The following SLC17A9 variants were observed in gnomAD, a reference collection of about 807,000 sequenced individuals.
The protein encoded by SLC17A9 is voltage-gated purine nucleotide uniporter SLC17A9.
A neutral mutation model predicts 55.0 loss-of-function variants in SLC17A9; 49 were observed. The observed-to-expected ratio is 0.89, with a 90% CI of 0.71 to 1.13. The LOEUF (loss-of-function observed/expected upper bound fraction) is 1.13, where lower values mean the gene tolerates loss of function less well. Ranked by LOEUF, SLC17A9 falls within the 50% of genes most tolerant of loss-of-function variation. SLC17A9 has a pLI of 0.00. For synonymous variants in SLC17A9, 256 were observed against 247.4 expected, an observed-to-expected ratio of 1.03 and a Z score of -0.32; for missense variants, 526 against 569.3, an observed-to-expected ratio of 0.92 and a Z score of 0.77.
At chr20:62,963,855 G>C (rs115522622) in intron 7 of SLC17A9, 175 bp downstream of exon 7, 1 of 641,252 alleles carries the variant, frequency 1.6e-6, no homozygotes, top group Admixed American at 2.9e-5. Flanking sequence ...CCATGCTCGG[G>C]GCAGGTTTCT....
In SLC17A9 at chr20:62,963,663, A is replaced by G. The variant is rs757729036; in HGVS notation, c.805A>G (p.Thr269Ala). 1.3e-6 allele frequency: 2 copies of G among 1,597,738 alleles called. No individual in the cohort carries two copies. Among genetic ancestry groups the G allele is most frequent in the Admixed American group, 1.7e-5 (1 of 57,708 alleles). ...LSWLPTFFEE[T>A]FPDAKGWIFN... Reference sequence around the variant, plus strand: ...CTGGCTGCCCACCTTCTTCGAGGAGACCTTCCCCGACGCCAAGGTGAGTCG... The same window carrying G: ...CTGGCTGCCCACCTTCTTCGAGGAGGCCTTCCCCGACGCCAAGGTGAGTCG... Residue 269 changes from threonine to alanine, a missense_variant, in exon 7 of 13, where the codon ACC becomes GCC. Thr to Ala is a moderately conservative substitution (Grantham distance 58). Coordinates refer to ENST00000370351, the MANE Select transcript of SLC17A9 (RefSeq NM_022082.4).
At chr20:62,957,729 C>T (rs1277858276) in intron 3 of SLC17A9, 149 bp downstream of exon 3, 1 of 618,174 alleles carries the variant, frequency 1.6e-6, no homozygotes, top group Non-Finnish European at 2.5e-6. Flanking sequence ...CATGCGTGCA[C>T]CTGTGTGTGT....
Position 62,962,770 on chromosome 20 carries a change from C to T in SLC17A9, c.628+16C>T, listed in dbSNP as rs749389216. Reference sequence around the variant, plus strand: ...AGTGAAAAAGGTAACGCAGGCCGGGCGGGCTAGTCCCGGGCGCCCACAGCT... The same window carrying T: ...AGTGAAAAAGGTAACGCAGGCCGGGTGGGCTAGTCCCGGGCGCCCACAGCT... On this transcript the variant is annotated intron_variant, in intron 5 of 12. Transcript: ENST00000370351. The surrounding 1 kb of genome is among the most constrained non-coding windows in gnomAD (Gnocchi z 5.5). 3.0e-5 allele frequency: 48 copies of T among 1,612,284 alleles called. No individual in the cohort carries two copies. Among genetic ancestry groups the T allele is most frequent in the South Asian group, 5.5e-5 (5 of 90,986 alleles).
At chr20:62,960,971 C>A (rs544188858) in intron 4 of SLC17A9, among the ~76,000 whole-genome samples, 1 of 152,226 alleles carries the variant, frequency 6.6e-6, no homozygotes, top group African/African-American at 2.4e-5. Context: ...AGTCTGTGAG[C>A]GCAGGAGCGT....
Position 62,960,590 on chromosome 20 carries a change from G to A in SLC17A9, c.484G>A (p.Gly162Ser), listed in dbSNP as rs1257880743. ...RAFTYSIVGA[G>S]SQFGTLLTGA... The stretch of plus-strand genomic sequence containing the variant: ...CTTCACCTACAGCATCGTGGGCGCC[G>A]GCTCCCAGTTTGGGTAAGTCCTGGC... Residue 162 changes from glycine to serine, a missense_variant, in exon 4 of 13, where the codon GGC (glycine) becomes AGC (serine). Physicochemically the swap from Gly to Ser is moderately conservative, Grantham distance 56 (BLOSUM62 0). Transcript: ENST00000370351. The A allele has an allele frequency of 1.9e-6, 3 of 1,612,088 alleles. No homozygotes were observed. Among genetic ancestry groups the A allele is most frequent in the African/African-American group, 2.7e-5 (2 of 74,956 alleles).
intron 4 of SLC17A9, among the ~76,000 whole-genome samples, chr20:62,961,384 T>A (rs2065587167): frequency 6.6e-6 from 1 of 152,050 alleles, no homozygotes; most frequent in Non-Finnish European, 1.5e-5. Flanking sequence ...GGGCGGCTTG[T>A]CCTCATCCAC....
chr20:62,956,938 T>C lies in SLC17A9; in HGVS notation c.233T>C (p.Val78Ala), dbSNP rs2065541952. The change falls in exon 2 of 13, where the codon GTT becomes GCT. Residue 78 changes from valine to alanine, a missense_variant. Val to Ala is a moderately conservative substitution (Grantham distance 64, BLOSUM62 0). Transcript: ENST00000370351. The stretch of plus-strand genomic sequence containing the variant: ...TTCTGGGGCTACTGCCTGACACAGG[T>C]TGTGGGCGGCCACCTCGGGGATCGG... ...SFFWGYCLTQ[V>A]VGGHLGDRIG... 1 of 1,613,392 alleles carries C rather than the reference T, an allele frequency of 6.2e-7. No homozygotes were observed. The highest frequency in any genetic ancestry group is 1.3e-5 in the African/African-American group (1 of 75,032).
At chr20:62,964,973 T>G in intron 8 of SLC17A9, 159 bp from the exon 9 acceptor site, 1 of 766,738 alleles carries the variant, frequency 1.3e-6, no homozygotes. Flanking sequence ...CCCACATGCG[T>G]GTGTGCACAC....
chr20:62,957,707 C>T (rs1054730800), intron 3 of SLC17A9, 127 bp downstream of exon 3: 39 of 807,404 alleles, frequency 4.8e-5, no homozygotes, highest in South Asian at 1.6e-4. Flanking sequence ...TGTGTATGGG[C>T]ATGCCCGCGT....
rs1601101978 is a variant in SLC17A9 at position 62,967,617 on chromosome 20, A to C, written c.*117A>C. ...GACACACGAGCAGAGAGGAACACAA[A>C]CCACTGTGGAGCCTGAAGCTCCTTA... On this transcript the variant is annotated 3_prime_UTR_variant, in exon 13 of 13. Transcript: ENST00000370351. 3 of 812,978 alleles carry C rather than the reference A, an allele frequency of 3.7e-6. No individual in the cohort carries two copies. Among genetic ancestry groups the C allele is most frequent in the South Asian group, 1.9e-5 (1 of 51,792 alleles). 50.4% of individuals were successfully genotyped at this position (812,978 alleles called of 1,614,324 possible).
intron 1 of SLC17A9, among the ~76,000 whole-genome samples, chr20:62,955,542 G>A (rs2065530132): frequency 6.6e-6 from 1 of 152,082 alleles, no homozygotes; most frequent in Non-Finnish European, 1.5e-5. Context: ...GAACTCTTGG[G>A]CTCAAGTGAT....
intron 3 of SLC17A9, among the ~76,000 whole-genome samples, chr20:62,959,757 C>T (rs1298676542): frequency 6.6e-6 from 1 of 152,256 alleles, no homozygotes; most frequent in Non-Finnish European, 1.5e-5. Context: ...GTCTGTTTGA[C>T]GATGCCCCCC....
chr20:62,960,659 G>T (rs1363304961), intron 4 of SLC17A9, 56 bp downstream of exon 4: 3 of 1,524,324 alleles, frequency 2.0e-6, no homozygotes, highest in Non-Finnish European at 2.7e-6. Flanking sequence ...GCCCCTTGCC[G>T]AGTGGCCCCT....
At position 62,967,525 on chromosome 20, in the gene SLC17A9, G is replaced by A. The variant is rs2065651744; in HGVS notation, c.*25G>A. On this transcript the variant is annotated 3_prime_UTR_variant, in exon 13 of 13. Coordinates refer to ENST00000370351, the MANE Select transcript of SLC17A9 (RefSeq NM_022082.4). The stretch of plus-strand genomic sequence containing the variant: ...GCTCCCAACCCCACAGCCTCTCCAA[G>A]GACCCAGGCGCCAGCAGCCCCAGGA... The A allele has an allele frequency of 1.9e-6, 3 of 1,605,786 alleles. No individual in the cohort carries two copies. The highest frequency in any genetic ancestry group is 2.6e-6 in the Non-Finnish European group (3 of 1,175,068).
Position 62,969,277 on chromosome 20 carries a change from T to G in SLC17A9, c.*1777T>G, listed in dbSNP as rs1207465209. The G allele has an allele frequency of 6.6e-6, 1 of 152,344 alleles. No individual in the cohort carries two copies. The highest frequency in any genetic ancestry group is 2.1e-4 in the South Asian group (1 of 4,830). The allele number at this position is 152,344 out of a possible 1,614,324, so 9.4% of individuals were successfully genotyped here. A position where few individuals can be genotyped will look rare whatever the true frequency, so the allele number is the denominator to read the frequency against. On this transcript the variant is annotated 3_prime_UTR_variant, in exon 13 of 13. Coordinates refer to ENST00000370351, the MANE Select transcript of SLC17A9 (RefSeq NM_022082.4). ...TTTTAAGTGCACGGTTCTGTGGCAT[T>G]AGGTACATTCGCATTGTGCAGCCAC...
chr20:62,957,886 CGCGTGCAT>C (rs1474693898), intron 3 of SLC17A9, among the ~76,000 whole-genome samples: 3 of 151,370 alleles, frequency 2.0e-5, no homozygotes, highest in Admixed American at 2.0e-4. Flanking sequence ...TGGGCATGCC[CGCGTGCAT>C]GCGTGCACCT....
At chr20:62,957,163 A>G (rs925244599) in intron 2 of SLC17A9, 56 of 985,142 alleles carry the variant, frequency 5.7e-5, no homozygotes, top group Non-Finnish European at 6.5e-5. Context: ...AGCTTGGTGG[A>G]TAAATCTGGG....
intron 7 of SLC17A9, chr20:62,963,905 C>T: frequency 1.7e-6 from 1 of 598,110 alleles, no homozygotes; most frequent in South Asian, 2.0e-5. Flanking sequence ...TCGGTGCCTT[C>T]CTGCTGCGGC....
At chr20:62,965,832 A>G in intron 10 of SLC17A9, 107 bp downstream of exon 10, 2 of 1,041,008 alleles carry the variant, frequency 1.9e-6, no homozygotes, top group Middle Eastern at 2.9e-4. Flanking sequence ...TCTTCCTCAC[A>G]CTTCACCCCC....
Sources: gnomAD v4.1 joint callset for allele counts (sites outside exome capture counted in the v4.1 genomes callset) on GRCh38, gnomAD v4.1.1 for gene constraint, Gnocchi (gnomAD v3.1) non-coding constraint, MANE v1.5 for transcripts, NCBI Gene and HGNC (gene_info 2026-07-23, HGNC 2026-07-21) for gene names.